AGAP4: variants seen among roughly 807,000 people sequenced by gnomAD.
The protein encoded by AGAP4 is arf-GAP with GTPase, ANK repeat and PH domain-containing protein 4.
Under a neutral mutation model 60.7 loss-of-function variants are expected in AGAP4, and 13 were observed. The observed-to-expected ratio is 0.21, with a 90% CI of 0.14 to 0.34. The LOEUF is 0.34. AGAP4 is among the 10% of genes least tolerant of loss of function. AGAP4 has a pLI of 1.00. For synonymous variants in AGAP4, 70 were observed against 339.0 expected, an observed-to-expected ratio of 0.21 and a Z score of 8.72; for missense variants, 169 against 884.0, an observed-to-expected ratio of 0.19 and a Z score of 10.26.
At chr10:45,842,975 A>C (rs1440792377) in intron 3 of AGAP4, among the ~76,000 whole-genome samples, 5 of 97,256 alleles carry the variant, frequency 5.1e-5, no homozygotes, top group Admixed American at 3.0e-4. Flanking sequence ...CATGGTAATA[A>C]GCACATTCTC....
At chr10:45,846,204 T>C (rs1590039694) in intron 2 of AGAP4, among the ~76,000 whole-genome samples, 1 of 151,766 alleles carries the variant, frequency 6.6e-6, no homozygotes, top group Admixed American at 6.6e-5. Context: ...AAGAGCTTCA[T>C]AGGTAAACTC....
chr10:45,851,091 A>C (rs1203961976), upstream of AGAP4, among the ~76,000 whole-genome samples: 1 of 151,882 alleles, frequency 6.6e-6, no homozygotes, highest in African/African-American at 2.4e-5. Context: ...AAGCTAATAC[A>C]TGAAAAAAAA....
chr10:45,851,404 T>C (rs2059082473), upstream of AGAP4, among the ~76,000 whole-genome samples: 1 of 151,940 alleles, frequency 6.6e-6, no homozygotes, highest in African/African-American at 2.4e-5. Flanking sequence ...GTACTCAACA[T>C]GTATTATCCC....
exon 1 of AGAP4, chr10:45,853,783 A>C (rs1456691702): frequency 3.1e-6 from 4 of 1,287,646 alleles, no homozygotes; most frequent in Admixed American, 2.3e-5. Context: ...AAGTTTGTGA[A>C]GGCATCTTAG....
chr10:45,852,225 A>AG (rs2059093094), upstream of AGAP4, among the ~76,000 whole-genome samples: 2 of 145,074 alleles, frequency 1.4e-5, no homozygotes, highest in Admixed American at 6.8e-5. Context: ...TTTAAAAAAA[A>AG]AAAAAAAAAA....
intron 1 of AGAP4, among the ~76,000 whole-genome samples, chr10:45,853,478 T>C (rs1281641958): frequency 2.0e-5 from 3 of 151,842 alleles, no homozygotes; most frequent in African/African-American, 4.8e-5. Flanking sequence ...TCCCTAGCTG[T>C]GCTGACACTG....
At chr10:45,850,407 GTA>G (rs1303930784), upstream of AGAP4, among the ~76,000 whole-genome samples, 7 of 151,712 alleles carry the variant, frequency 4.6e-5, no homozygotes, top group Non-Finnish European at 1.0e-4. Context: ...CTGCTGGACA[GTA>G]TATGAACCTG....
At chr10:45,851,485 T>TTGTG (rs1174514323), upstream of AGAP4, among the ~76,000 whole-genome samples, 12 of 151,214 alleles carry the variant, frequency 7.9e-5, no homozygotes, top group South Asian at 2.1e-4. Context: ...GTGATTGGGC[T>TTGTG]TGTGTGTGTG....
At chr10:45,832,190 A>G (rs1332913635) in intron 5 of AGAP4, among the ~76,000 whole-genome samples, 1 of 142,480 alleles carries the variant, frequency 7.0e-6, no homozygotes, top group African/African-American at 2.6e-5. Flanking sequence ...GGTAAGATGG[A>G]TATGTCTATA....
chr10:45,853,648 A>C, intron 1 of AGAP4: 1 of 1,286,962 alleles, frequency 7.8e-7, no homozygotes, highest in Non-Finnish European at 1.0e-6. Flanking sequence ...TCGGGAGACC[A>C]AGGTACCTCC....
At chr10:45,848,885 C>G (rs1457100953), upstream of AGAP4, 1 of 149,952 alleles carries the variant, frequency 6.7e-6, no homozygotes, top group African/African-American at 2.5e-5. Flanking sequence ...GGTGGCCGCA[C>G]AGAGAGTGGG....
chr10:45,829,330 G>A (rs1303576674), intron 6 of AGAP4, among the ~76,000 whole-genome samples: 5 of 116,106 alleles, frequency 4.3e-5, no homozygotes, highest in African/African-American at 8.9e-5. Flanking sequence ...AACCAGAAGC[G>A]CTTTTTTTTT....
At chr10:45,847,566 C>T (rs1554899744), upstream of AGAP4, 4 of 1,438,922 alleles carry the variant, frequency 2.8e-6, no homozygotes, top group African/African-American at 4.5e-5. Flanking sequence ...CTGCTGCCTC[C>T]CCTGAGTTGA....
chr10:45,854,531 G>C (rs2135982955), upstream of AGAP4: 2 of 150,626 alleles, frequency 1.3e-5, 1 homozygote, highest in South Asian at 4.2e-4. Flanking sequence ...CTACTCGGGA[G>C]GCTGAGGCAG....
intron 4 of AGAP4, among the ~76,000 whole-genome samples, chr10:45,838,003 A>G (rs2135945259): frequency 6.6e-6 from 1 of 151,108 alleles, no homozygotes; most frequent in East Asian, 1.9e-4. Context: ...ACTCAAACAA[A>G]TTACAATTAC....
chr10:45,850,204 C>T (rs1429796439), upstream of AGAP4, among the ~76,000 whole-genome samples: 1 of 150,246 alleles, frequency 6.7e-6, no homozygotes. Flanking sequence ...GCTGGGATTG[C>T]AGGCGTGAGC....
upstream of AGAP4, among the ~76,000 whole-genome samples, chr10:45,849,476 T>TG (rs1351559362): frequency 0.21 from 26,527 of 125,206 alleles, 1,715 homozygotes; most frequent in South Asian, 0.42. Flanking sequence ...TGATGATGAT[T>TG]ATTATTATTA....
chr10:45,837,798 C>T (rs1209385439), intron 4 of AGAP4, among the ~76,000 whole-genome samples: 33,084 of 149,510 alleles, frequency 0.22, 3,519 homozygotes, highest in South Asian at 0.46. Context: ...CCCGTCTAGA[C>T]GCTGGCTTAG....
upstream of AGAP4, among the ~76,000 whole-genome samples, chr10:45,849,467 G>GATT (rs1247329457): frequency 0.017 from 2,295 of 137,520 alleles, 19 homozygotes; most frequent in Non-Finnish European, 0.026. Flanking sequence ...AGATGATGAT[G>GATT]ATGATGATTA....
Sources: gnomAD v4.1 joint callset for allele counts (sites outside exome capture counted in the v4.1 genomes callset) on GRCh38, gnomAD v4.1.1 for gene constraint, MANE v1.5 for transcripts, NCBI Gene and HGNC (gene_info 2026-07-23, HGNC 2026-07-21) for gene names.